ARHGEF18: variants seen among roughly 807,000 people sequenced by gnomAD.
ARHGEF18 encodes the protein Rho/Rac guanine nucleotide exchange factor 18.
A neutral mutation model predicts 155.7 loss-of-function variants in ARHGEF18; 93 were observed. That is an observed-to-expected ratio of 0.60 (90% CI 0.50 to 0.71). The LOEUF is 0.71. ARHGEF18 is among the 30% of genes least tolerant of loss of function. The pLI is 0.00. For missense variants in ARHGEF18, 1,593 were observed against 1,816.1 expected, an observed-to-expected ratio of 0.88 and a Z score of 2.23; for synonymous variants, 742 against 753.1, an observed-to-expected ratio of 0.99 and a Z score of 0.24.
intron 10 of ARHGEF18, among the ~76,000 whole-genome samples, chr19:7,385,260 C>G (rs1970940687): frequency 6.6e-6 from 1 of 152,094 alleles, no homozygotes; most frequent in African/African-American, 2.4e-5. Context: ...CCAGGCTGAG[C>G]TGAACCATGC....
At chr19:7,479,377 G>A in the ARHGEF18 span, among the ~76,000 whole-genome samples, 3 of 152,156 alleles carry the variant, frequency 2.0e-5, no homozygotes, top group African/African-American at 4.8e-5. Context: ...CCAGGTACTC[G>A]GGAGGCTGAG....
At chr19:7,413,854 C>G (rs1490426232) in intron 10 of ARHGEF18, among the ~76,000 whole-genome samples, 1 of 152,050 alleles carries the variant, frequency 6.6e-6, no homozygotes, top group Non-Finnish European at 1.5e-5. Context: ...CTGATGTTAA[C>G]TTAGTAGGAA....
chr19:7,448,656 C>T (rs1462926988), intron 15 of ARHGEF18, among the ~76,000 whole-genome samples: 5 of 151,192 alleles, frequency 3.3e-5, no homozygotes, highest in East Asian at 3.9e-4. Context: ...AGCGAAACTC[C>T]GTCTCAAAAA....
rs1043374896 is a variant in ARHGEF18 at position 7,439,660 on chromosome 19, G to C, written c.968-684G>C. ...GCGTCCACTTCGATGCTAGAATTCT[G>C]TTCGAGTGCTGATGACCAGGGGCGG... is the stretch of plus-strand genomic sequence containing the variant. On this transcript the variant is annotated intron_variant, in intron 10 of 28. Transcript: ENST00000668164. The C allele has an allele frequency of 1.4e-5, 17 of 1,177,660 alleles. No individual in the cohort carries two copies. The African/African-American group carries it at 2.7e-4, about 19-fold the overall frequency. The allele number at this position is 1,177,660 out of a possible 1,614,324, so 73.0% of individuals were successfully genotyped here.
intron 10 of ARHGEF18, among the ~76,000 whole-genome samples, chr19:7,413,654 T>C (rs193216044): frequency 6.6e-6 from 1 of 152,118 alleles, no homozygotes; most frequent in African/African-American, 2.4e-5. Flanking sequence ...TCCAGCTACT[T>C]GGGAGATAGG....
intron 6 of ARHGEF18, among the ~76,000 whole-genome samples, chr19:7,378,684 C>CT (rs548305968): frequency 0.089 from 7,783 of 87,906 alleles, 1,669 homozygotes; most frequent in African/African-American, 0.11. Flanking sequence ...ACAATTGTGG[C>CT]TTTTTTTTTT....
downstream of ARHGEF18, among the ~76,000 whole-genome samples, chr19:7,474,158 T>G (rs1382069948): frequency 1.3e-5 from 2 of 151,092 alleles, no homozygotes; most frequent in African/African-American, 4.9e-5. Context: ...GGCCAACATG[T>G]TGAAACCCCA....
intron 16 of ARHGEF18, among the ~76,000 whole-genome samples, chr19:7,451,622 C>T (rs1213470198): frequency 6.6e-6 from 1 of 151,704 alleles, no homozygotes; most frequent in African/African-American, 2.4e-5. Context: ...GCTGTGTTAC[C>T]CAGGCTGGTG....
At position 7,444,122 on chromosome 19, in the gene ARHGEF18, G is replaced by T; in HGVS notation, c.1361-82G>T. Reference sequence around the variant, plus strand: ...GAACTCTCAGAAGCCAGTTCAGCACGTGAAGGGCAGGCAGCACCCACGACT... The same window carrying T: ...GAACTCTCAGAAGCCAGTTCAGCACTTGAAGGGCAGGCAGCACCCACGACT... On this transcript the variant is annotated intron_variant, in intron 13 of 28. Coordinates refer to ENST00000668164, the MANE Select transcript of ARHGEF18 (RefSeq NM_001367823.1). The surrounding 1 kb of genome is among the most constrained non-coding windows in gnomAD (Gnocchi z 4.7). 1 of 1,556,244 alleles carries T rather than the reference G, an allele frequency of 6.4e-7. No individual in the cohort carries two copies. Among genetic ancestry groups the T allele is most frequent in the East Asian group, 2.3e-5 (1 of 44,228 alleles).
At chr19:7,384,765 T>A (rs1414866659) in intron 10 of ARHGEF18, among the ~76,000 whole-genome samples, 1 of 151,470 alleles carries the variant, frequency 6.6e-6, no homozygotes, top group African/African-American at 2.4e-5. Flanking sequence ...GATCTCAGCA[T>A]ACTGTAGCCT....
chr19:7,443,894 A>G (rs528166729), intron 13 of ARHGEF18, among the ~76,000 whole-genome samples: 1 of 146,516 alleles, frequency 6.8e-6, no homozygotes, highest in Admixed American at 7.0e-5. Flanking sequence ...ACAGAGCAAG[A>G]CTCCATCTCA....
At chr19:7,438,210 A>G (rs1974395340) in intron 10 of ARHGEF18, among the ~76,000 whole-genome samples, 1 of 141,518 alleles carries the variant, frequency 7.1e-6, no homozygotes, top group Non-Finnish European at 1.6e-5. Flanking sequence ...AAGCAATCCT[A>G]CTGCCTCAGC....
At chr19:7,453,410 C>G (rs1975623640) in intron 16 of ARHGEF18, 57 bp from the exon 17 acceptor site, 1 of 1,533,454 alleles carries the variant, frequency 6.5e-7, no homozygotes, top group Non-Finnish European at 8.8e-7. Context: ...GTGAGTGTGT[C>G]CACTTCTGTT....
intron 3 of ARHGEF18, among the ~76,000 whole-genome samples, chr19:7,375,223 G>A (rs1258483811): frequency 1.4e-5 from 2 of 146,140 alleles, no homozygotes; most frequent in Middle Eastern, 3.6e-3. Context: ...AGTGAGCTGC[G>A]ATCGTGCCAC....
At chr19:7,408,226 C>T (rs1972457693) in intron 10 of ARHGEF18, among the ~76,000 whole-genome samples, 1 of 151,876 alleles carries the variant, frequency 6.6e-6, no homozygotes, top group South Asian at 2.1e-4. Context: ...TGCAGTGAGC[C>T]GAAATCGCAC....
chr19:7,382,747 A>G, intron 8 of ARHGEF18, 45 bp from the exon 9 acceptor site: 1 of 1,218,662 alleles, frequency 8.2e-7, no homozygotes, highest in Non-Finnish European at 1.0e-6. Flanking sequence ...CTGCCTCAGA[A>G]TGGCCCCTGG....
At chr19:7,464,772 C>T in intron 23 of ARHGEF18, 82 bp downstream of exon 23, 2 of 1,550,736 alleles carry the variant, frequency 1.3e-6, no homozygotes, top group South Asian at 2.3e-5. Context: ...TGGGGTTGTC[C>T]AGTTTTAGTC....
chr19:7,373,463 G>GTTTTTTTT (rs534449492), intron 3 of ARHGEF18, among the ~76,000 whole-genome samples: 1 of 87,174 alleles, frequency 1.1e-5, no homozygotes. Context: ...TTTTGTGTTT[G>GTTTTTTTT]TTTTTTTTTT....
At chr19:7,431,779 G>A (rs536995699) in intron 10 of ARHGEF18, among the ~76,000 whole-genome samples, 152 of 152,280 alleles carry the variant, frequency 1.0e-3, no homozygotes, top group African/African-American at 3.4e-3. Flanking sequence ...GCGCCATTGT[G>A]CTCCAGCCTG....
Sources: allele counts gnomAD v4.1 joint callset (sites outside exome capture counted in the v4.1 genomes callset), GRCh38; gene constraint gnomAD v4.1.1; non-coding constraint Gnocchi (gnomAD v3.1); transcripts MANE v1.5; gene names NCBI Gene and HGNC (gene_info 2026-07-23, HGNC 2026-07-21).